COL5A1: variants seen among roughly 807,000 people sequenced by gnomAD.
COL5A1 encodes collagen alpha-1(V) chain.
COL5A1 carries 16 observed loss-of-function variants against 263.7 expected under a neutral mutation model. The ratio of observed to expected loss-of-function variants is 0.06; its 90% CI spans 0.04 to 0.09. The LOEUF is 0.09. COL5A1 is among the 10% of genes least tolerant of loss of function. The pLI is 1.00. For missense variants in COL5A1, 2,036 were observed against 2,540.5 expected (o/e 0.80, Z 4.27); for synonymous variants, 1,012 against 1,004.5 (o/e 1.01, Z -0.14).
At position 134,700,735 on chromosome 9, in the gene COL5A1, C is replaced by T. The variant is rs566609234; in HGVS notation, c.492-436C>T. ...TCTCTGGCTGCCTGCAGTTTGCCAT[C>T]GGGGTTCAGAGGGCACGTGACAAGT... On this transcript the variant is annotated intron_variant, in intron 3 of 65. Coordinates refer to ENST00000371817, the MANE Select transcript of COL5A1 (RefSeq NM_000093.5). This position sits in a 1 kb window ranked among gnomAD's most constrained non-coding sequence, Gnocchi z 4.0. 6.6e-6 allele frequency among the ~76,000 whole-genome samples: 1 copy of T among 152,318 alleles called. No individual in the cohort carries two copies. The highest frequency in any genetic ancestry group is 2.4e-5 in the African/African-American group (1 of 41,570).
chr9:134,766,996 G>A lies in COL5A1; in HGVS notation c.2134-4G>A. 1.2e-6 allele frequency: 2 copies of A among 1,613,582 alleles called. No homozygotes were observed. The highest frequency in any genetic ancestry group is 8.5e-7 in the Non-Finnish European group (1 of 1,179,852). On this transcript the variant is annotated splice_region_variant and splice_polypyrimidine_tract_variant and intron_variant, in intron 22 of 65. Transcript: ENST00000371817. Reference sequence around the variant, plus strand: ...TTCAGTGCCTTTGCTCTTGTCTCCTGTAGGGTCCCCAGGGAGAGCCTGGCC... The same window carrying A: ...TTCAGTGCCTTTGCTCTTGTCTCCTATAGGGTCCCCAGGGAGAGCCTGGCC...
intron 1 of COL5A1, among the ~76,000 whole-genome samples, chr9:134,667,033 A>G (rs989414426): frequency 5.9e-5 from 9 of 152,240 alleles, no homozygotes; most frequent in African/African-American, 1.7e-4. Context: ...TGATCTCTAG[A>G]CATTATGTTT....
intron 64 of COL5A1, among the ~76,000 whole-genome samples, chr9:134,832,043 T>C (rs1588612115): frequency 6.6e-6 from 1 of 152,120 alleles, no homozygotes; most frequent in Non-Finnish European, 1.5e-5. Context: ...GGCGGGCAGA[T>C]TGCTTGAGCC....
rs1409816982 is a variant in COL5A1, at chr9:134,791,376, A to G, written c.2700+2168A>G. Among the ~76,000 whole-genome samples, 3 of 152,210 alleles carry G rather than the reference A, an allele frequency of 2.0e-5. No individual in the cohort carries two copies. In the East Asian group the frequency reaches 5.8e-4, roughly 29 times the overall value. On this transcript the variant is annotated intron_variant, in intron 32 of 65. Coordinates refer to ENST00000371817, the MANE Select transcript of COL5A1 (RefSeq NM_000093.5). ...CCTGGCCTCCTTCATCTTTGCCATCACAGCTCTTCAGAGCCTCCCGTTCAG... is the reference window on the plus strand; with the variant it reads ...CCTGGCCTCCTTCATCTTTGCCATCGCAGCTCTTCAGAGCCTCCCGTTCAG...
At chr9:134,761,462 A>C (rs1034848676) in intron 18 of COL5A1, among the ~76,000 whole-genome samples, 1 of 152,244 alleles carries the variant, frequency 6.6e-6, no homozygotes, top group Non-Finnish European at 1.5e-5. Flanking sequence ...CAGCACAGCC[A>C]TGAAGGCTGT....
chr9:134,716,403 C>T lies in COL5A1; in HGVS notation c.655-10863C>T, dbSNP rs1432301573. The stretch of plus-strand genomic sequence containing the variant: ...GGACCGAGTGAACATCCCCTGTGCT[C>T]AGCGATGCCCCGTGTGCCATAAAAC... On this transcript the variant is annotated intron_variant, in intron 4 of 65. Transcript: ENST00000371817. The surrounding 1 kb of genome is among the most constrained non-coding windows in gnomAD (Gnocchi z 4.5). Among the ~76,000 whole-genome samples the T allele has an allele frequency of 6.6e-6, 1 of 152,116 alleles. No individual in the cohort carries two copies. The highest frequency in any genetic ancestry group is 6.5e-5 in the Admixed American group (1 of 15,280).
At chr9:134,748,166 GCA>G (rs1835635904) in intron 11 of COL5A1, among the ~76,000 whole-genome samples, 2 of 145,050 alleles carry the variant, frequency 1.4e-5, no homozygotes, top group African/African-American at 2.6e-5. Flanking sequence ...TTCCACACGT[GCA>G]CACACATGCA....
intron 48 of COL5A1, among the ~76,000 whole-genome samples, chr9:134,812,996 T>A (rs1249574171): frequency 6.6e-6 from 1 of 152,106 alleles, no homozygotes; most frequent in Non-Finnish European, 1.5e-5. Flanking sequence ...TTTTGCAGAA[T>A]TTCCAGACGA....
chr9:134,689,797 T>C (rs1833209049), intron 1 of COL5A1, among the ~76,000 whole-genome samples: 1 of 152,210 alleles, frequency 6.6e-6, no homozygotes, highest in African/African-American at 2.4e-5. Flanking sequence ...GCAGGGCAGT[T>C]GCCGGCTGCT....
intron 1 of COL5A1, among the ~76,000 whole-genome samples, chr9:134,654,452 G>GA (rs1831843606): frequency 1.6e-5 from 2 of 123,926 alleles, no homozygotes; most frequent in African/African-American, 3.1e-5. Context: ...TGTAGGGCTG[G>GA]TGTGTGTAGG....
intron 18 of COL5A1, among the ~76,000 whole-genome samples, chr9:134,759,026 C>G (rs969001242): frequency 5.9e-5 from 9 of 152,104 alleles, no homozygotes; most frequent in African/African-American, 2.2e-4. Context: ...GTGGGGAAGG[C>G]TCGTCCTGGC....
intron 4 of COL5A1, among the ~76,000 whole-genome samples, chr9:134,706,958 C>T (rs3922913): frequency 0.38 from 57,523 of 152,192 alleles, 11,982 homozygotes; most frequent in Admixed American, 0.57. Context: ...GCGGGCAGCA[C>T]GGGGCTACCT....
intron 14 of COL5A1, 52 bp from the exon 15 acceptor site, chr9:134,753,798 G>C: frequency 7.7e-7 from 1 of 1,301,210 alleles, no homozygotes; most frequent in Non-Finnish European, 1.1e-6. Context: ...CCCTTCCTGT[G>C]TTCTCGAGTC....
chr9:134,723,065 C>CT (rs1834521609), intron 4 of COL5A1, among the ~76,000 whole-genome samples: 2 of 152,214 alleles, frequency 1.3e-5, no homozygotes, highest in African/African-American at 4.8e-5. Context: ...TCCCCGTGCT[C>CT]TGTCCCTTTG....
At chr9:134,731,864 C>T (rs370247661) in intron 8 of COL5A1, among the ~76,000 whole-genome samples, 1 of 152,210 alleles carries the variant, frequency 6.6e-6, no homozygotes, top group East Asian at 1.9e-4. Flanking sequence ...GCATACTCTC[C>T]TCTGGGCCTG....
At chr9:134,807,460 C>G (rs1478344515) in intron 42 of COL5A1, among the ~76,000 whole-genome samples, 2 of 152,164 alleles carry the variant, frequency 1.3e-5, no homozygotes, top group Admixed American at 1.3e-4. Flanking sequence ...CACCCGGCTA[C>G]TTTTGTACTT....
rs1220641374 is a variant in COL5A1, at chr9:134,784,984, T to C, written c.2485-5T>C. ...TCTTCTCACCTCCTCTTTTCTGGCT[T>C]GCAGGGGGAGATCGGCCCACCCGGT... On this transcript the variant is annotated splice_region_variant and splice_polypyrimidine_tract_variant and intron_variant, in intron 29 of 65. Transcript: ENST00000371817. The C allele has an allele frequency of 6.2e-7, 1 of 1,612,200 alleles. No individual in the cohort carries two copies. Among genetic ancestry groups the C allele is most frequent in the Admixed American group, 1.7e-5 (1 of 60,016 alleles).
At chr9:134,658,436 A>G (rs895321514) in intron 1 of COL5A1, among the ~76,000 whole-genome samples, 8 of 152,162 alleles carry the variant, frequency 5.3e-5, no homozygotes, top group African/African-American at 1.7e-4. Context: ...GCCCAAGCCA[A>G]GCCTGCATGT....
chr9:134,829,319 C>T (rs946848383), intron 63 of COL5A1, among the ~76,000 whole-genome samples: 4 of 151,448 alleles, frequency 2.6e-5, no homozygotes, highest in Non-Finnish European at 4.4e-5. Context: ...CCAGGCTCCT[C>T]ACACGGCCTC....
Sources: allele counts gnomAD v4.1 joint callset (sites outside exome capture counted in the v4.1 genomes callset), GRCh38; gene constraint gnomAD v4.1.1; non-coding constraint Gnocchi (gnomAD v3.1); transcripts MANE v1.5; gene names NCBI Gene and HGNC (gene_info 2026-07-23, HGNC 2026-07-21).